BICDL1: variants seen among roughly 807,000 people sequenced by gnomAD.
The protein encoded by BICDL1 is BICD family like cargo adaptor 1.
In BICDL1, 20 loss-of-function variants were observed where a neutral mutation model predicts 76.8. That is an observed-to-expected ratio of 0.26 (90% CI 0.18 to 0.38). The LOEUF (loss-of-function observed/expected upper bound fraction) is 0.38, where lower values mean the gene tolerates loss of function less well. Among genes scored for constraint, BICDL1 ranks in the 10% least tolerant of loss-of-function variants. BICDL1 has a pLI of 1.00. For synonymous variants in BICDL1, 383 were observed against 337.1 expected (o/e 1.14, Z -1.49); for missense variants, 700 against 798.6 (o/e 0.88, Z 1.49).
chr12:120,027,941 A>G (rs903233120), intron 2 of BICDL1, among the ~76,000 whole-genome samples: 1 of 152,160 alleles, frequency 6.6e-6, no homozygotes, highest in African/African-American at 2.4e-5. Context: ...AGGCACCACA[A>G]CGTTGATCGT....
chr12:119,989,896 G>C lies in BICDL1; in HGVS notation c.28G>C (p.Gly10Arg), dbSNP rs756829882. MSAFCLGLV[G>R]RASAPAEPDS... Reference sequence around the variant, plus strand: ...GTCCGCTTTCTGCCTGGGCTTGGTCGGCCGCGCTTCAGCACCCGCCGAGCC... The same window carrying C: ...GTCCGCTTTCTGCCTGGGCTTGGTCCGCCGCGCTTCAGCACCCGCCGAGCC... Residue 10 changes from glycine to arginine, a missense_variant, in exon 1 of 10, where the codon GGC (glycine) becomes CGC (arginine). By Grantham distance (125) the Gly-to-Arg change is moderately radical. Around this residue, in one of 3 missense-constraint regions of BICDL1, gnomAD observed 225 missense variants for 199.6 expected, o/e 1.13. Coordinates refer to ENST00000548673, the MANE Select transcript of BICDL1 (RefSeq NM_001367886.1). 5 of 1,441,138 alleles carry C rather than the reference G, an allele frequency of 3.5e-6. No homozygotes were observed. The highest frequency in any genetic ancestry group is 4.5e-6 in the Non-Finnish European group (5 of 1,108,990). The allele number at this position is 1,441,138 out of a possible 1,614,324, so 89.3% of individuals were successfully genotyped here. A position where few individuals can be genotyped will look rare whatever the true frequency, so the allele number is the denominator to read the frequency against.
chr12:120,049,059 A>G (rs1413245762), intron 2 of BICDL1, among the ~76,000 whole-genome samples: 5 of 152,184 alleles, frequency 3.3e-5, no homozygotes, highest in Non-Finnish European at 7.3e-5. Context: ...AAAAGCTTCA[A>G]ATGAGGTGAA....
rs751278060 is a variant in BICDL1 at position 120,093,102 on chromosome 12, G to C, written c.1807G>C (p.Gly603Arg). 10 of 1,613,392 alleles carry C rather than the reference G, an allele frequency of 6.2e-6. No homozygotes were observed. The highest frequency in any genetic ancestry group is 1.3e-5 in the African/African-American group (1 of 74,934). Residue 603 changes from glycine (G) to arginine (R), a missense_variant, in exon 10 of 10, where the codon GGG becomes CGG. Around this residue, in one of 3 missense-constraint regions of BICDL1, gnomAD observed 455 missense variants for 548.7 expected, o/e 0.83. Transcript: ENST00000548673. ...CTGCAGGGGCCACAGCGCTGGGCGG[G>C]GGGATGAGCCCAGCATCGCTGAAGG... Reference protein sequence around the residue: ...ALCRGHSAGRGDEPSIAEGKR... With the variant: ...ALCRGHSAGRRDEPSIAEGKR...
Position 120,094,113 on chromosome 12 carries a change from C to T in BICDL1, c.*952C>T, listed in dbSNP as rs1006049251. ...GGGGTGGAGGGGAGGGGGAGGCTGC[C>T]GGAAGCCTCCAGATGCTGCCTGCCT... is the stretch of plus-strand genomic sequence containing the variant. On this transcript the variant is annotated 3_prime_UTR_variant, in exon 10 of 10. Transcript: ENST00000548673. The T allele has an allele frequency of 4.9e-5, 21 of 428,904 alleles. No individual in the cohort carries two copies. The highest frequency in any genetic ancestry group is 8.0e-5 in the Non-Finnish European group (17 of 212,014). 26.6% of individuals were successfully genotyped at this position (428,904 alleles called of 1,614,324 possible).
rs770394688 is a variant in BICDL1 at position 120,080,917 on chromosome 12, C to T, written c.1483C>T (p.Leu495=). 1.9e-6 allele frequency: 3 copies of T among 1,613,500 alleles called. No homozygotes were observed. Among genetic ancestry groups the T allele is most frequent in the South Asian group, 2.2e-5 (2 of 91,036 alleles). ...ACTGCTGAGTGTGGAGATGACTGCC[C>T]TAAAAGAGGAGAGAGACCGACTCAG... ...VTLLSVEMTA[L]KEERDRLRVT... The change falls in exon 8 of 10, where the codon CTA becomes TTA. Residue 495 remains leucine, a synonymous_variant. Coordinates refer to ENST00000548673, the MANE Select transcript of BICDL1 (RefSeq NM_001367886.1).
chr12:120,088,866 C>CCG (rs1566272423), intron 8 of BICDL1, among the ~76,000 whole-genome samples: 1 of 151,458 alleles, frequency 6.6e-6, no homozygotes, highest in East Asian at 1.9e-4. Context: ...CGGGGTTTCA[C>CCG]TGTTAGCCAG....
intron 2 of BICDL1, among the ~76,000 whole-genome samples, chr12:120,021,194 C>A (rs114065012): frequency 0.023 from 3,524 of 151,090 alleles, 146 homozygotes; most frequent in African/African-American, 0.081. Context: ...TGAAGCATAA[C>A]AATTGCTTGA....
intron 9 of BICDL1, chr12:120,091,407 T>C: frequency 9.9e-7 from 1 of 1,014,484 alleles, no homozygotes. Flanking sequence ...GAAAGGTTGG[T>C]TTTTGAAAGA....
intron 8 of BICDL1, among the ~76,000 whole-genome samples, chr12:120,082,792 C>A (rs954654642): frequency 6.6e-6 from 1 of 152,062 alleles, no homozygotes; most frequent in Non-Finnish European, 1.5e-5. Context: ...TGGTCTTGAA[C>A]TCCTGGGCTC....
At chr12:120,086,643 TTAAG>T (rs1461363697) in intron 8 of BICDL1, among the ~76,000 whole-genome samples, 1 of 152,202 alleles carries the variant, frequency 6.6e-6, no homozygotes, top group Non-Finnish European at 1.5e-5. Context: ...TTCAGGAAAA[TTAAG>T]TAGCAATTTT....
chr12:120,067,992 G>T (rs573982755), intron 4 of BICDL1, among the ~76,000 whole-genome samples: 3 of 152,190 alleles, frequency 2.0e-5, no homozygotes, highest in Admixed American at 1.3e-4. Context: ...GGGCAGCCAG[G>T]CTCCAAACCT....
chr12:120,015,333 A>C, intron 2 of BICDL1, among the ~76,000 whole-genome samples: 1 of 152,174 alleles, frequency 6.6e-6, no homozygotes, highest in East Asian at 1.9e-4. Context: ...TGGCATTCAA[A>C]GCCCTGTACC....
chr12:120,049,777 G>C (rs932321468), intron 2 of BICDL1, among the ~76,000 whole-genome samples: 1 of 152,190 alleles, frequency 6.6e-6, no homozygotes, highest in African/African-American at 2.4e-5. Context: ...CTGTATTGTA[G>C]TGTAGATAAT....
chr12:120,074,397 C>T, intron 6 of BICDL1, 46 bp from the exon 7 acceptor site: 1 of 1,118,362 alleles, frequency 8.9e-7, no homozygotes, highest in Non-Finnish European at 1.1e-6. Context: ...CCTATCTCTC[C>T]TGTACCCTTA....
intron 8 of BICDL1, among the ~76,000 whole-genome samples, chr12:120,086,946 G>T (rs1874463382): frequency 6.6e-6 from 1 of 152,182 alleles, no homozygotes; most frequent in Admixed American, 6.5e-5. Flanking sequence ...GCGTTTTTTG[G>T]CAAGGAAGGG....
At chr12:120,023,516 C>T (rs1952225112) in intron 2 of BICDL1, among the ~76,000 whole-genome samples, 1 of 152,208 alleles carries the variant, frequency 6.6e-6, no homozygotes, top group Non-Finnish European at 1.5e-5. Flanking sequence ...GGGCCCAACA[C>T]AGTGGCTCAT....
rs185934358 is a variant in BICDL1 at position 120,061,766 on chromosome 12, T to G, written c.702T>G (p.Phe234Leu). 1.2e-6 allele frequency: 2 copies of G among 1,614,224 alleles called. No individual in the cohort carries two copies. The highest frequency in any genetic ancestry group is 8.5e-7 in the Non-Finnish European group (1 of 1,180,028). Residue 234 changes from phenylalanine to leucine, a missense_variant, in exon 3 of 10, where the codon TTT (phenylalanine) becomes TTG (leucine). By Grantham distance (22) the Phe-to-Leu change is conservative. Around this residue, in one of 3 missense-constraint regions of BICDL1, gnomAD observed 455 missense variants for 548.7 expected, o/e 0.83. Coordinates refer to ENST00000548673, the MANE Select transcript of BICDL1 (RefSeq NM_001367886.1). ...AGGTCCACGCCCTCAGAGAAGACTTTCGGGAGAAAAACTCATCAACCAACC... is the reference window on the plus strand; with the variant it reads ...AGGTCCACGCCCTCAGAGAAGACTTGCGGGAGAAAAACTCATCAACCAACC... ...SMQVHALREDFREKNSSTNQH... is the reference protein window; with the variant it reads ...SMQVHALREDLREKNSSTNQH...
intron 2 of BICDL1, among the ~76,000 whole-genome samples, chr12:120,002,984 C>G (rs1382686162): frequency 6.6e-6 from 1 of 152,012 alleles, no homozygotes; most frequent in Non-Finnish European, 1.5e-5. Flanking sequence ...TGGTGAAACC[C>G]CATCTCTACT....
chr12:120,006,110 C>T (rs1951845873), intron 2 of BICDL1, among the ~76,000 whole-genome samples: 2 of 152,082 alleles, frequency 1.3e-5, no homozygotes, highest in Non-Finnish European at 2.9e-5. Context: ...AGGTAATTAT[C>T]ATCACAAAAG....
Sources: gnomAD v4.1 joint callset for allele counts (sites outside exome capture counted in the v4.1 genomes callset) on GRCh38, gnomAD v4.1.1 for gene constraint, gnomAD v4.1.1 regional missense constraint, MANE v1.5 for transcripts, NCBI Gene and HGNC (gene_info 2026-07-23, HGNC 2026-07-21) for gene names.